MPP7: variants seen among roughly 807,000 people sequenced by gnomAD.
MPP7 encodes MAGUK p55 subfamily member 7.
MPP7 carries 60 observed loss-of-function variants against 76.5 expected under a neutral mutation model. That is an observed-to-expected ratio of 0.78 (90% CI 0.64 to 0.97). The LOEUF (loss-of-function observed/expected upper bound fraction) is 0.97, where lower values mean the gene tolerates loss of function less well. MPP7 is among the 50% of genes least tolerant of loss of function. The pLI is 0.00. For missense variants in MPP7, 641 were observed against 694.0 expected (o/e 0.92, Z 0.86); for synonymous variants, 237 against 244.5 (o/e 0.97, Z 0.29).
intron 2 of MPP7, among the ~76,000 whole-genome samples, chr10:28,215,449 A>G (rs893380801): frequency 1.3e-5 from 2 of 152,212 alleles, no homozygotes; most frequent in Non-Finnish European, 2.9e-5. Flanking sequence ...AGCCCTATAC[A>G]AGAGGAGGTT....
intron 6 of MPP7, 56 bp from the exon 7 acceptor site, chr10:28,125,147 A>G: frequency 7.1e-7 from 1 of 1,406,520 alleles, no homozygotes; most frequent in Non-Finnish European, 1.0e-6. Context: ...TAGGTGTTAG[A>G]AAAGGAGGAA....
At chr10:28,283,121 C>T (rs1191590987) in intron 1 of MPP7, among the ~76,000 whole-genome samples, 1 of 151,792 alleles carries the variant, frequency 6.6e-6, no homozygotes, top group Non-Finnish European at 1.5e-5. Context: ...AAGGCACTGG[C>T]CAAAATAGGT....
At chr10:28,214,467 T>C (rs1312471231) in intron 2 of MPP7, among the ~76,000 whole-genome samples, 1 of 152,218 alleles carries the variant, frequency 6.6e-6, no homozygotes, top group East Asian at 1.9e-4. Context: ...TTTCGGAAGC[T>C]GGCAAGCTCC....
chr10:28,179,593 G>A (rs947939187), intron 3 of MPP7, among the ~76,000 whole-genome samples: 3 of 151,996 alleles, frequency 2.0e-5, no homozygotes, highest in South Asian at 2.1e-4. Flanking sequence ...CAAGTTTTTC[G>A]TACTGCTTTG....
intron 15 of MPP7, chr10:28,057,602 CCTCTTTTTTTTTTTT>C (rs1341973113): frequency 3.2e-6 from 1 of 311,474 alleles, no homozygotes; most frequent in African/African-American, 3.7e-5. Context: ...GCCAATTAAA[CCTCTTTTTTTTTTTT>C]TTTTTTTTTT....
chr10:28,057,819 C>T, intron 15 of MPP7: 1 of 1,280,128 alleles, frequency 7.8e-7, no homozygotes, highest in South Asian at 1.3e-5. Flanking sequence ...CCCCAGGGTA[C>T]AGCCATCAGT....
chr10:28,125,174 GA>G, intron 6 of MPP7, 83 bp from the exon 7 acceptor site: 1 of 1,134,376 alleles, frequency 8.8e-7, no homozygotes, highest in Non-Finnish European at 1.3e-6. Flanking sequence ...ACATTCATCT[GA>G]AAAAAGAGAA....
chr10:28,131,744 A>T (rs1835201097), intron 5 of MPP7, 53 bp from the exon 6 acceptor site: 1 of 890,506 alleles, frequency 1.1e-6, no homozygotes, highest in Non-Finnish European at 1.4e-6. Flanking sequence ...CTTATATATT[A>T]TATGTAATAT....
chr10:28,139,148 A>G (rs1316528707), intron 5 of MPP7, among the ~76,000 whole-genome samples: 3 of 152,236 alleles, frequency 2.0e-5, no homozygotes, highest in Non-Finnish European at 4.4e-5. Flanking sequence ...GCTTCTAGTG[A>G]GCAAAGGCAG....
intron 12 of MPP7, among the ~76,000 whole-genome samples, chr10:28,087,472 T>G (rs999423544): frequency 6.6e-6 from 1 of 152,140 alleles, no homozygotes; most frequent in Non-Finnish European, 1.5e-5. Context: ...CTCAGCTCAC[T>G]GCAACCTCTG....
intron 11 of MPP7, among the ~76,000 whole-genome samples, chr10:28,092,900 A>T (rs1853387386): frequency 6.6e-6 from 1 of 151,910 alleles, no homozygotes; most frequent in Non-Finnish European, 1.5e-5. Context: ...CACAGACATA[A>T]CACACTACAC....
At chr10:28,162,086 G>C (rs548347392) in intron 3 of MPP7, among the ~76,000 whole-genome samples, 4 of 152,132 alleles carry the variant, frequency 2.6e-5, no homozygotes, top group Non-Finnish European at 5.9e-5. Context: ...CTATAACAAA[G>C]CACTGCTTAA....
intron 3 of MPP7, among the ~76,000 whole-genome samples, chr10:28,159,597 GC>G (rs1381723538): frequency 2.6e-5 from 4 of 152,126 alleles, no homozygotes; most frequent in African/African-American, 9.7e-5. Context: ...AGTTCATGAA[GC>G]AAATCATGCC....
At chr10:28,132,134 C>T (rs1256087025) in intron 5 of MPP7, among the ~76,000 whole-genome samples, 1 of 152,050 alleles carries the variant, frequency 6.6e-6, no homozygotes. Flanking sequence ...ATTTTTTCTC[C>T]TATTAGCAGA....
intron 11 of MPP7, 53 bp from the exon 12 acceptor site, chr10:28,089,894 C>T: frequency 1.0e-6 from 1 of 956,802 alleles, no homozygotes; most frequent in South Asian, 1.9e-5. Flanking sequence ...AAAAAGAAAC[C>T]CTCAAAAAAA....
In MPP7 at chr10:28,217,516, G is replaced by A. The variant is rs184161033; in HGVS notation, c.38-15245C>T. The stretch of plus-strand genomic sequence containing the variant: ...CACTCCAGCCAGGGTGACAGAGTGA[G>A]ACTCTGTCTCAAAAAAAAAAAAAAA... On this transcript the variant is annotated intron_variant, in intron 2 of 16. Transcript: ENST00000683449. Among the ~76,000 whole-genome samples, 169 of 128,964 alleles carry A rather than the reference G, an allele frequency of 1.3e-3. 2 individuals carry two copies. The East Asian group carries it at 0.036, about 28-fold the overall frequency. The allele number at this position is 128,964 out of a possible 152,430, so 84.6% of individuals were successfully genotyped here. A position where few individuals can be genotyped will look rare whatever the true frequency, so the allele number is the denominator to read the frequency against.
At chr10:28,329,864 A>G (rs1834455912) in intron 2 of MPP7, 1 of 152,216 alleles carries the variant, frequency 6.6e-6, no homozygotes, top group South Asian at 2.1e-4. Context: ...CAACAAGAAC[A>G]ATATAAATAT....
At chr10:28,203,503 A>AAT (rs1837848871) in intron 2 of MPP7, among the ~76,000 whole-genome samples, 1 of 151,430 alleles carries the variant, frequency 6.6e-6, no homozygotes, top group Admixed American at 6.6e-5. Context: ...CTTTAAAAAA[A>AAT]AAAAAAAAAA....
intron 3 of MPP7, among the ~76,000 whole-genome samples, chr10:28,161,653 C>T (rs1053038905): frequency 1.3e-5 from 2 of 152,054 alleles, no homozygotes; most frequent in African/African-American, 2.4e-5. Flanking sequence ...CATTTCCTAC[C>T]ACCTCAAAGC....
Sources: allele counts gnomAD v4.1 joint callset (sites outside exome capture counted in the v4.1 genomes callset), GRCh38; gene constraint gnomAD v4.1.1; transcripts MANE v1.5; gene names NCBI Gene and HGNC (gene_info 2026-07-23, HGNC 2026-07-21).